ATXN2: variants seen among roughly 807,000 people sequenced by gnomAD.
ATXN2 encodes the protein ataxin-2.
Under a neutral mutation model 138.6 loss-of-function variants are expected in ATXN2, and 37 were observed. That is an observed-to-expected ratio of 0.27 (90% CI 0.21 to 0.35). The LOEUF (loss-of-function observed/expected upper bound fraction) is 0.35. Among genes scored for constraint, ATXN2 ranks in the 10% least tolerant of loss-of-function variants. The pLI is 1.00. For synonymous variants in ATXN2, 549 were observed against 543.7 expected (o/e 1.01, Z -0.13); for missense variants, 1,216 against 1,480.3 (o/e 0.82, Z 2.93).
intron 1 of ATXN2, among the ~76,000 whole-genome samples, chr12:111,564,321 GAA>G (rs1003225817): frequency 1.3e-5 from 2 of 150,000 alleles, no homozygotes; most frequent in Non-Finnish European, 3.0e-5. Flanking sequence ...ACAAGGGAAA[GAA>G]AAAAAAAGAA....
At chr12:111,530,135 A>C (rs1376661535) in intron 5 of ATXN2, among the ~76,000 whole-genome samples, 1 of 152,170 alleles carries the variant, frequency 6.6e-6, no homozygotes. Context: ...CAATCTATAT[A>C]CTATATAAAG....
In ATXN2 at chr12:111,453,698, G is replaced by A. The variant is rs750330971; in HGVS notation, c.3418C>T (p.Pro1140Ser). Residue 1140 changes from proline (P) to serine (S), a missense_variant, in exon 24 of 25, where the codon CCC becomes TCC. By Grantham distance (74) the Pro-to-Ser change is moderately conservative. Transcript: ENST00000673436. This position sits in a 1 kb window ranked among gnomAD's most constrained non-coding sequence, Gnocchi z 5.4. Reference sequence around the variant, plus strand: ...TCACCTGAAGGGTGCGTCATATAGGGGAAATGCGCTGTTGTCGAGACTGGA... The same window carrying A: ...TCACCTGAAGGGTGCGTCATATAGGAGAAATGCGCTGTTGTCGAGACTGGA... ...PIPVSTTAHF[P>S]YMTHPSVQAH... 1 of 1,611,126 alleles carries A rather than the reference G, an allele frequency of 6.2e-7. No individual in the cohort carries two copies. The highest frequency in any genetic ancestry group is 8.5e-7 in the Non-Finnish European group (1 of 1,178,546).
Position 111,480,492 on chromosome 12 carries a change from C to T in ATXN2, c.2524+4773G>A, listed in dbSNP as rs980171462. The stretch of plus-strand genomic sequence containing the variant: ...GAGTTCGAGACCAGCCTGACCAACA[C>T]GGTAAAACCCCGTCTCTACTAAAAA... On this transcript the variant is annotated intron_variant, in intron 18 of 24. Coordinates refer to ENST00000673436, the MANE Select transcript of ATXN2 (RefSeq NM_001372574.1). Among the ~76,000 whole-genome samples the T allele has an allele frequency of 2.6e-5, 4 of 151,988 alleles. No homozygotes were observed. The East Asian group carries it at 5.8e-4, about 22-fold the overall frequency.
chr12:111,544,004 G>A (rs1881674340), intron 5 of ATXN2, among the ~76,000 whole-genome samples: 1 of 152,106 alleles, frequency 6.6e-6, no homozygotes, highest in African/African-American at 2.4e-5. Context: ...CTTGAGCCAG[G>A]AGGTCGAGGC....
At chr12:111,517,070 C>T (rs1879898584) in intron 9 of ATXN2, among the ~76,000 whole-genome samples, 1 of 152,118 alleles carries the variant, frequency 6.6e-6, no homozygotes, top group Non-Finnish European at 1.5e-5. Flanking sequence ...AAACACTTAT[C>T]TAAGCGACTG....
intron 1 of ATXN2, among the ~76,000 whole-genome samples, chr12:111,591,283 T>C (rs1386898454): frequency 6.6e-6 from 1 of 152,142 alleles, no homozygotes; most frequent in Non-Finnish European, 1.5e-5. Flanking sequence ...TTGAGGACCA[T>C]TGCCTTAAAA....
intron 10 of ATXN2, among the ~76,000 whole-genome samples, chr12:111,515,623 C>T (rs1431806059): frequency 6.6e-6 from 1 of 151,976 alleles, no homozygotes. Flanking sequence ...AAAAAAATTA[C>T]TCAGTTAAAT....
chr12:111,472,445 A>G (rs759681082), intron 18 of ATXN2, among the ~76,000 whole-genome samples: 10 of 152,332 alleles, frequency 6.6e-5, no homozygotes, highest in South Asian at 4.1e-4. Context: ...ATGGTACTTC[A>G]TAAGTAATTA....
rs1373296673 is a variant in ATXN2 at position 111,456,113 on chromosome 12, T to C, written c.3186A>G (p.Ala1062=). 6.2e-7 allele frequency: 1 copy of C among 1,614,200 alleles called. No individual in the cohort carries two copies. The highest frequency in any genetic ancestry group is 8.5e-7 in the Non-Finnish European group (1 of 1,180,034). ...NTQSPQNSFP[A]AQQTVFTIHP... ...GGATCGTAAAGACAGTCTGTTGTGC[T>C]GCTGGGAAACTATTCTGTGGCGACT... The change falls in exon 23 of 25, where the codon GCA becomes GCG. Residue 1062 remains alanine (A), a synonymous_variant. Coordinates refer to ENST00000673436, the MANE Select transcript of ATXN2 (RefSeq NM_001372574.1).
At chr12:111,553,628 G>C (rs1209087419) in intron 3 of ATXN2, among the ~76,000 whole-genome samples, 1 of 112,420 alleles carries the variant, frequency 8.9e-6, no homozygotes, top group African/African-American at 4.1e-5. Context: ...GAAGGGGTCT[G>C]TCTGGCACTG....
intron 23 of ATXN2, 34 bp downstream of exon 23, chr12:111,455,995 G>A: frequency 1.9e-6 from 3 of 1,582,572 alleles, no homozygotes; most frequent in Non-Finnish European, 2.6e-6. Context: ...ATTCTACTTG[G>A]CCTTCACAGA....
At position 111,525,451 on chromosome 12, in the gene ATXN2, A is replaced by T. The variant is rs1592862237; in HGVS notation, c.572-135T>A. On this transcript the variant is annotated intron_variant, in intron 5 of 24. Transcript: ENST00000673436. Reference sequence around the variant, plus strand: ...ATTTCACATAATTGTTTAACTTAAAATCTAACAGAAACATTTATTGAACAT... The same window carrying T: ...ATTTCACATAATTGTTTAACTTAAATTCTAACAGAAACATTTATTGAACAT... 5 of 1,060,920 alleles carry T rather than the reference A, an allele frequency of 4.7e-6. No individual in the cohort carries two copies. In the East Asian group the frequency reaches 1.4e-4, roughly 29 times the overall value. The allele number at this position is 1,060,920 out of a possible 1,614,324, so 65.7% of individuals were successfully genotyped here. A position where few individuals can be genotyped will look rare whatever the true frequency, so the allele number is the denominator to read the frequency against.
At chr12:111,494,560 A>G (rs1878282296) in intron 14 of ATXN2, among the ~76,000 whole-genome samples, 1 of 151,036 alleles carries the variant, frequency 6.6e-6, no homozygotes, top group Non-Finnish European at 1.5e-5. Flanking sequence ...TGAGTATCTG[A>G]GATTACAGGC....
intron 5 of ATXN2, among the ~76,000 whole-genome samples, chr12:111,528,946 G>T (rs2135752011): frequency 6.6e-6 from 1 of 152,224 alleles, no homozygotes; most frequent in Non-Finnish European, 1.5e-5. Flanking sequence ...TTGGATTTTT[G>T]TTTCTGTTTC....
chr12:111,542,009 C>T (rs1181501554), intron 5 of ATXN2, among the ~76,000 whole-genome samples: 1 of 149,324 alleles, frequency 6.7e-6, no homozygotes, highest in African/African-American at 2.4e-5. Context: ...CTCAAGTGAT[C>T]GGCCCACCTC....
At chr12:111,548,756 T>C (rs1005194300) in intron 5 of ATXN2, among the ~76,000 whole-genome samples, 22 of 152,182 alleles carry the variant, frequency 1.4e-4, no homozygotes, top group African/African-American at 4.8e-4. Flanking sequence ...AATTCTTTTT[T>C]TATTCTGTTG....
rs928897808 is a variant in ATXN2, at chr12:111,540,696, C to G, written c.571+11584G>C. 5.5e-5 allele frequency among the ~76,000 whole-genome samples: 7 copies of G among 126,290 alleles called. 1 individual carries two copies. The South Asian group carries it at 1.7e-3, about 31-fold the overall frequency. The allele number at this position is 126,290 out of a possible 152,430, so 82.9% of individuals were successfully genotyped here. ...ATGGTACTTTTGGACACGTCTAAGT[C>G]TTTTTTTTTTTTTTTTTTGAGATGG... On this transcript the variant is annotated intron_variant, in intron 5 of 24. Transcript: ENST00000673436.
chr12:111,483,791 T>C (rs1188926908), intron 18 of ATXN2, among the ~76,000 whole-genome samples: 1 of 152,066 alleles, frequency 6.6e-6, no homozygotes, highest in African/African-American at 2.4e-5. Flanking sequence ...TCCATCTTAT[T>C]TTTCTTTTTG....
intron 20 of ATXN2, among the ~76,000 whole-genome samples, chr12:111,467,220 G>A (rs1876088563): frequency 6.8e-6 from 1 of 147,608 alleles, no homozygotes; most frequent in African/African-American, 2.5e-5. Context: ...ATAGCTCACT[G>A]TAGCCTCAAA....
Sources: gnomAD v4.1 joint callset for allele counts (sites outside exome capture counted in the v4.1 genomes callset) on GRCh38, gnomAD v4.1.1 for gene constraint, Gnocchi (gnomAD v3.1) non-coding constraint, MANE v1.5 for transcripts, NCBI Gene and HGNC (gene_info 2026-07-23, HGNC 2026-07-21) for gene names.